The following CDH20 variants were observed in gnomAD, a reference collection of about 807,000 sequenced individuals.
CDH20 encodes the protein cadherin 20, also known as cadherin-20.
A neutral mutation model predicts 74.2 loss-of-function variants in CDH20; 29 were observed. The observed-to-expected ratio is 0.39, with a 90% CI of 0.29 to 0.53. CDH20 has a LOEUF of 0.53. CDH20 is among the 20% of genes least tolerant of loss of function. The pLI is 0.69. For missense variants in CDH20, 988 were observed against 1,048.3 expected (o/e 0.94, Z 0.79); for synonymous variants, 469 against 405.4 (o/e 1.16, Z -1.88).
intron 6 of CDH20, among the ~76,000 whole-genome samples, chr18:61,524,664 CAGCACTTTG>C (rs1375517284): frequency 2.0e-5 from 3 of 152,160 alleles, no homozygotes; most frequent in African/African-American, 7.2e-5. Flanking sequence ...CCAGTAATCC[CAGCACTTTG>C]GGAGGCCAAG....
chr18:61,386,959 T>A (rs1177058323), intron 1 of CDH20, among the ~76,000 whole-genome samples: 1 of 152,218 alleles, frequency 6.6e-6, no homozygotes, highest in African/African-American at 2.4e-5. Flanking sequence ...TATCCATTTC[T>A]ACATTTTACA....
chr18:61,437,736 G>C (rs1279686896), intron 1 of CDH20, among the ~76,000 whole-genome samples: 2 of 152,198 alleles, frequency 1.3e-5, no homozygotes, highest in South Asian at 4.1e-4. Context: ...ACATCAGTTC[G>C]TGTATAAAAT....
intron 1 of CDH20, among the ~76,000 whole-genome samples, chr18:61,462,735 G>A (rs1599101731): frequency 9.2e-6 from 1 of 108,448 alleles, no homozygotes. Context: ...GGGGGGGGGG[G>A]CATCTAGGGC....
intron 1 of CDH20, among the ~76,000 whole-genome samples, chr18:61,415,249 A>T (rs1330951912): frequency 6.6e-6 from 1 of 152,146 alleles, no homozygotes; most frequent in African/African-American, 2.4e-5. Flanking sequence ...TCTGAGTCCA[A>T]TGGGTCCTTT....
At chr18:61,419,015 G>A (rs1912790623) in intron 1 of CDH20, among the ~76,000 whole-genome samples, 1 of 152,076 alleles carries the variant, frequency 6.6e-6, no homozygotes, top group African/African-American at 2.4e-5. Context: ...TTTAACTGCT[G>A]CATGGTATTC....
chr18:61,487,151 C>G (rs889360627), intron 1 of CDH20, among the ~76,000 whole-genome samples: 1 of 152,176 alleles, frequency 6.6e-6, no homozygotes, highest in Non-Finnish European at 1.5e-5. Flanking sequence ...ATGTATTCTT[C>G]ATGTGGCATA....
intron 1 of CDH20, among the ~76,000 whole-genome samples, chr18:61,448,863 C>A (rs939663351): frequency 1.1e-4 from 16 of 152,164 alleles, no homozygotes; most frequent in African/African-American, 3.9e-4. Context: ...TTCTCAACAG[C>A]AGAATTCAAC....
At chr18:61,461,699 G>A (rs1258708480) in intron 1 of CDH20, among the ~76,000 whole-genome samples, 4 of 152,156 alleles carry the variant, frequency 2.6e-5, no homozygotes, top group East Asian at 1.9e-4. Flanking sequence ...TATTGAAAAT[G>A]AAAGTACACT....
intron 1 of CDH20, among the ~76,000 whole-genome samples, chr18:61,347,474 C>T (rs1324012605): frequency 1.3e-5 from 2 of 149,980 alleles, no homozygotes; most frequent in African/African-American, 2.5e-5. Flanking sequence ...GAGCCAAGAT[C>T]GTGCCACTGT....
intron 1 of CDH20, among the ~76,000 whole-genome samples, chr18:61,404,247 A>G (rs921663721): frequency 1.3e-5 from 2 of 152,204 alleles, no homozygotes; most frequent in African/African-American, 4.8e-5. Flanking sequence ...AAATAAAGAA[A>G]CTACTAACAG....
At chr18:61,433,474 G>A (rs1416349561) in intron 1 of CDH20, among the ~76,000 whole-genome samples, 1 of 152,128 alleles carries the variant, frequency 6.6e-6, no homozygotes, top group Non-Finnish European at 1.5e-5. Context: ...TAGACACACT[G>A]GGAATTATCA....
intron 8 of CDH20, 56 bp from the exon 9 acceptor site, chr18:61,538,968 T>TC: frequency 6.3e-7 from 1 of 1,595,750 alleles, no homozygotes; most frequent in Non-Finnish European, 8.5e-7. Flanking sequence ...ATTACTCTTT[T>TC]TTTTCTTTTG....
At chr18:61,441,667 T>G (rs1225996083) in intron 1 of CDH20, among the ~76,000 whole-genome samples, 1 of 152,238 alleles carries the variant, frequency 6.6e-6, no homozygotes, top group Non-Finnish European at 1.5e-5. Context: ...TATTTGATAG[T>G]ACTCAGCTTT....
chr18:61,541,677 C>G (rs999072271), intron 9 of CDH20, among the ~76,000 whole-genome samples: 10 of 152,086 alleles, frequency 6.6e-5, no homozygotes, highest in Non-Finnish European at 1.2e-4. Context: ...TTTTCAAAAG[C>G]ATACAGCTCA....
chr18:61,413,222 G>A (rs768968474), intron 1 of CDH20, among the ~76,000 whole-genome samples: 27 of 152,174 alleles, frequency 1.8e-4, no homozygotes, highest in Non-Finnish European at 3.2e-4. Flanking sequence ...TTGGGGTTTC[G>A]GAATTCATAT....
At chr18:61,498,139 C>T (rs990198249) in intron 2 of CDH20, among the ~76,000 whole-genome samples, 2 of 152,146 alleles carry the variant, frequency 1.3e-5, no homozygotes, top group African/African-American at 4.8e-5. Context: ...GTGACTCACA[C>T]CTATAATCCC....
At chr18:61,496,148 C>G (rs1322504662) in intron 2 of CDH20, among the ~76,000 whole-genome samples, 1 of 50,388 alleles carries the variant, frequency 2.0e-5, no homozygotes, top group Non-Finnish European at 4.3e-5. Context: ...TTCCTCTCCT[C>G]CTCTCTCCTC....
chr18:61,531,268 T>C (rs886787693), intron 7 of CDH20, among the ~76,000 whole-genome samples: 14 of 152,176 alleles, frequency 9.2e-5, no homozygotes, highest in African/African-American at 3.4e-4. Flanking sequence ...TGTGGGTTAG[T>C]TATTTCTATC....
intron 1 of CDH20, among the ~76,000 whole-genome samples, chr18:61,354,694 T>C (rs1016281212): frequency 1.3e-5 from 2 of 152,164 alleles, no homozygotes; most frequent in Non-Finnish European, 2.9e-5. Context: ...CAATTACTTT[T>C]GGGGATCTAA....
Sources: allele counts gnomAD v4.1 joint callset (sites outside exome capture counted in the v4.1 genomes callset), GRCh38; gene constraint gnomAD v4.1.1; transcripts MANE v1.5; gene names NCBI Gene and HGNC (gene_info 2026-07-23, HGNC 2026-07-21).